SLC39A11: variants seen among roughly 807,000 people sequenced by gnomAD.
SLC39A11 encodes zinc transporter ZIP11.
In SLC39A11, 33 loss-of-function variants were observed where a neutral mutation model predicts 36.1. That is an observed-to-expected ratio of 0.91 (90% CI 0.69 to 1.22). The LOEUF is 1.22. SLC39A11 is among the 50% of genes most tolerant of loss of function. SLC39A11 has a pLI of 0.00. For synonymous variants in SLC39A11, 166 were observed against 170.3 expected (o/e 0.97, Z 0.20); for missense variants, 432 against 430.3 (o/e 1.00, Z -0.03).
chr17:72,670,202 C>G (rs866461141), intron 7 of SLC39A11, among the ~76,000 whole-genome samples: 6 of 77,440 alleles, frequency 7.7e-5, no homozygotes, highest in African/African-American at 3.6e-4. Context: ...CACACACACA[C>G]ACACACACAC....
chr17:72,927,916 G>T (rs900946627), intron 5 of SLC39A11, among the ~76,000 whole-genome samples: 1 of 152,020 alleles, frequency 6.6e-6, no homozygotes, highest in African/African-American at 2.4e-5. Context: ...GGGAACATTT[G>T]TAGTATCATC....
chr17:72,943,278 C>G (rs1410237267), intron 5 of SLC39A11, among the ~76,000 whole-genome samples: 2 of 152,140 alleles, frequency 1.3e-5, no homozygotes, highest in African/African-American at 2.4e-5. Context: ...GAGTGCCACG[C>G]AGCACATCAG....
intron 4 of SLC39A11, among the ~76,000 whole-genome samples, chr17:73,023,555 T>A (rs2058430793): frequency 1.3e-5 from 2 of 151,898 alleles, no homozygotes; most frequent in East Asian, 3.9e-4. Flanking sequence ...AGTGGTGTGA[T>A]CTCGGCTCAC....
intron 6 of SLC39A11, among the ~76,000 whole-genome samples, chr17:72,742,194 C>T (rs1423213367): frequency 1.6e-5 from 1 of 63,990 alleles, no homozygotes; most frequent in Non-Finnish European, 3.6e-5. Context: ...CAGTGTGAGA[C>T]TCCATCTCAA....
chr17:72,901,472 A>G (rs1004134211), intron 5 of SLC39A11, among the ~76,000 whole-genome samples: 1 of 152,138 alleles, frequency 6.6e-6, no homozygotes, highest in Non-Finnish European at 1.5e-5. Flanking sequence ...TAAGAAGTAG[A>G]GATTTGGGTA....
intron 5 of SLC39A11, among the ~76,000 whole-genome samples, chr17:72,923,530 A>T (rs1034009557): frequency 6.6e-6 from 1 of 152,230 alleles, no homozygotes; most frequent in African/African-American, 2.4e-5. Context: ...AAAGGTATGG[A>T]AACTGTCACT....
At chr17:72,781,486 C>T (rs1400942395) in intron 6 of SLC39A11, among the ~76,000 whole-genome samples, 11 of 151,720 alleles carry the variant, frequency 7.3e-5, no homozygotes, top group Admixed American at 4.6e-4. Context: ...TGCAATGGCG[C>T]GATCTCGGCT....
At position 72,870,642 on chromosome 17, in the gene SLC39A11, G is replaced by A. The variant is rs573230447; in HGVS notation, c.431-20838C>T. On this transcript the variant is annotated intron_variant, in intron 5 of 9. Transcript: ENST00000255559. ...GACCCCTCTCCCCATTCCTCTACAG[G>A]CCACGCTCTCCTGCAGATTTGTGGC... Among the ~76,000 whole-genome samples the A allele has an allele frequency of 1.3e-4, 20 of 152,324 alleles. 1 individual carries two copies. In the South Asian group the frequency reaches 3.9e-3, roughly 30 times the overall value.
chr17:72,956,741 GT>G (rs1384370801), intron 4 of SLC39A11, among the ~76,000 whole-genome samples: 1 of 152,092 alleles, frequency 6.6e-6, no homozygotes, highest in Non-Finnish European at 1.5e-5. Context: ...TATCAATAAA[GT>G]TTTTCTGACC....
chr17:72,656,562 G>A (rs550311142), intron 7 of SLC39A11, among the ~76,000 whole-genome samples: 16 of 150,268 alleles, frequency 1.1e-4, no homozygotes, highest in Non-Finnish European at 1.2e-4. Flanking sequence ...AGGGCAGGGA[G>A]TCATTGGGGA....
At chr17:72,672,246 C>T (rs57932611) in intron 7 of SLC39A11, among the ~76,000 whole-genome samples, 9,786 of 152,158 alleles carry the variant, frequency 0.064, 343 homozygotes, top group African/African-American at 0.1. Context: ...GCCAGGAGTT[C>T]GAGACCAACC....
chr17:73,052,302 CAGGATGCTAGAGGGGAAAAAA>C (rs980877034), intron 3 of SLC39A11, among the ~76,000 whole-genome samples: 59 of 151,444 alleles, frequency 3.9e-4, no homozygotes, highest in African/African-American at 1.4e-3. Flanking sequence ...CCCATAAAGA[CAGGATGCTAGAGGGGAAAAAA>C]AAAACAGGAA....
At chr17:72,726,989 G>A (rs1249814096) in intron 7 of SLC39A11, among the ~76,000 whole-genome samples, 1 of 152,196 alleles carries the variant, frequency 6.6e-6, no homozygotes, top group South Asian at 2.1e-4. Context: ...GCACACTAAA[G>A]TTCGCAGCCA....
At chr17:73,072,376 G>A (rs2060188789) in intron 3 of SLC39A11, 1 of 152,218 alleles carries the variant, frequency 6.6e-6, no homozygotes, top group East Asian at 1.9e-4. Context: ...CTGTTTGCAG[G>A]GCTCTGGGCA....
chr17:72,928,778 C>T (rs896879952), intron 5 of SLC39A11, among the ~76,000 whole-genome samples: 4 of 152,166 alleles, frequency 2.6e-5, no homozygotes, highest in South Asian at 2.1e-4. Flanking sequence ...AAGGGAAGTG[C>T]GTGCCTCTGG....
intron 5 of SLC39A11, among the ~76,000 whole-genome samples, chr17:72,853,513 G>A (rs1290460329): frequency 6.6e-6 from 1 of 151,902 alleles, no homozygotes; most frequent in Admixed American, 6.6e-5. Flanking sequence ...GACCTCGGAC[G>A]CACCACGAGC....
intron 4 of SLC39A11, among the ~76,000 whole-genome samples, chr17:73,023,294 C>T (rs2058418378): frequency 6.6e-6 from 1 of 150,804 alleles, no homozygotes; most frequent in South Asian, 2.3e-4. Flanking sequence ...AAAGCTCTAA[C>T]CCCCTATACT....
chr17:72,852,825 C>A (rs565330000), intron 5 of SLC39A11, among the ~76,000 whole-genome samples: 283 of 152,290 alleles, frequency 1.9e-3, no homozygotes, highest in African/African-American at 6.5e-3. Flanking sequence ...ATAAGCAAAG[C>A]AGTCCCTGAG....
At chr17:72,784,860 CTT>C (rs10594452) in intron 6 of SLC39A11, among the ~76,000 whole-genome samples, 16,158 of 134,484 alleles carry the variant, frequency 0.12, 962 homozygotes, top group African/African-American at 0.16. Flanking sequence ...TTTCTTTCTT[CTT>C]TTTTTTTTTT....
Sources: gnomAD v4.1 joint callset for allele counts (sites outside exome capture counted in the v4.1 genomes callset) on GRCh38, gnomAD v4.1.1 for gene constraint, MANE v1.5 for transcripts, NCBI Gene and HGNC (gene_info 2026-07-23, HGNC 2026-07-21) for gene names.